The following KLHL1 variants were observed in gnomAD, a reference collection of about 807,000 sequenced individuals.
KLHL1 encodes kelch like family member 1, also known as kelch-like protein 1.
KLHL1 carries 47 observed loss-of-function variants against 77.7 expected under a neutral mutation model. The ratio of observed to expected loss-of-function variants is 0.60; its 90% CI spans 0.48 to 0.77. The LOEUF is 0.77. Ranked by LOEUF, KLHL1 falls within the 30% of genes least tolerant of loss-of-function variation. The probability of loss-of-function intolerance (pLI) is 0.00; values close to 1 mark genes in which losing one functional copy is unlikely to be tolerated. For missense variants in KLHL1, 925 were observed against 910.8 expected (o/e 1.02, Z -0.20); for synonymous variants, 360 against 325.2 (o/e 1.11, Z -1.15).
At chr13:69,800,491 T>C (rs1192437935) in intron 6 of KLHL1, among the ~76,000 whole-genome samples, 1 of 152,202 alleles carries the variant, frequency 6.6e-6, no homozygotes, top group Non-Finnish European at 1.5e-5. Flanking sequence ...TTTATGTTTG[T>C]AGAGCTTACT....
In KLHL1 at chr13:70,107,486, G is replaced by A. The variant is rs946815110; in HGVS notation, c.214C>T (p.Pro72Ser). ...RSGVSTFWKKPSSSSSSSSSP... is the reference protein window; with the variant it reads ...RSGVSTFWKKSSSSSSSSSSP... Reference sequence around the variant, plus strand: ...GACGATGAAGAGGAAGAGGAGGAAGGCTTCTTCCAGAAAGTGCTCACACCG... The same window carrying A: ...GACGATGAAGAGGAAGAGGAGGAAGACTTCTTCCAGAAAGTGCTCACACCG... The change falls in exon 1 of 11, where the codon CCT (proline) becomes TCT (serine). Residue 72 changes from proline (P) to serine (S), a missense_variant. Pro to Ser is a moderately conservative substitution (Grantham distance 74). Coordinates refer to ENST00000377844, the MANE Select transcript of KLHL1 (RefSeq NM_020866.3). The A allele has an allele frequency of 9.3e-6, 15 of 1,609,734 alleles. No homozygotes were observed. The highest frequency in any genetic ancestry group is 1.4e-5 in the African/African-American group (1 of 72,076).
In KLHL1 at chr13:70,100,738, C is replaced by T. The variant is rs1593744400; in HGVS notation, c.497+6465G>A. 2.0e-5 allele frequency among the ~76,000 whole-genome samples: 3 copies of T among 152,142 alleles called. No homozygotes were observed. In the East Asian group the frequency reaches 5.8e-4, roughly 29 times the overall value. ...ATCTTTTCTTTAAAGTTTTAAATAA[C>T]TATCTTAAATGAAGAAAAGTAAACT... On this transcript the variant is annotated intron_variant, in intron 1 of 10. Transcript: ENST00000377844.
At chr13:70,084,821 C>T (rs1182564524) in intron 1 of KLHL1, among the ~76,000 whole-genome samples, 2 of 151,490 alleles carry the variant, frequency 1.3e-5, no homozygotes, top group Non-Finnish European at 2.9e-5. Context: ...GATTAAAATT[C>T]TAAAGAATAT....
At chr13:69,710,245 C>T (rs1314295862) in intron 9 of KLHL1, among the ~76,000 whole-genome samples, 2 of 151,566 alleles carry the variant, frequency 1.3e-5, no homozygotes, top group Non-Finnish European at 2.9e-5. Flanking sequence ...CATTTTGATA[C>T]ATATTTAAAA....
chr13:69,915,659 A>T (rs981543571), intron 4 of KLHL1, among the ~76,000 whole-genome samples: 1 of 152,118 alleles, frequency 6.6e-6, no homozygotes, highest in African/African-American at 2.4e-5. Flanking sequence ...AACCTAGGCA[A>T]TACCATTCAG....
At chr13:69,954,009 T>C (rs938519379) in intron 3 of KLHL1, among the ~76,000 whole-genome samples, 2 of 151,446 alleles carry the variant, frequency 1.3e-5, no homozygotes, top group Non-Finnish European at 3.0e-5. Flanking sequence ...TTTCCCTTTT[T>C]ACATTTAAGG....
At chr13:70,101,814 G>C (rs1213371002) in intron 1 of KLHL1, among the ~76,000 whole-genome samples, 2 of 151,978 alleles carry the variant, frequency 1.3e-5, no homozygotes, top group East Asian at 3.9e-4. Flanking sequence ...TGGACTCCTG[G>C]GTAGAACACC....
intron 1 of KLHL1, among the ~76,000 whole-genome samples, chr13:70,058,171 T>C (rs1030486041): frequency 6.6e-6 from 1 of 152,130 alleles, no homozygotes; most frequent in Non-Finnish European, 1.5e-5. Flanking sequence ...TCCTCTAAGA[T>C]CTGGAACAAG....
chr13:70,045,869 CTCTA>C lies in KLHL1; in HGVS notation c.497+61330_497+61333del, dbSNP rs1886483533. Among the ~76,000 whole-genome samples the C allele has an allele frequency of 3.3e-5, 5 of 152,280 alleles. No individual in the cohort carries two copies. The South Asian group carries it at 1.0e-3, about 32-fold the overall frequency. ...TTTCCCAGATTAACAGAGCACCTTC[CTCTA>C]TCTGTTTTGTCAAAGCTTTTAATCA... On this transcript the variant is annotated intron_variant, in intron 1 of 10. Transcript: ENST00000377844.
At chr13:69,944,446 G>C (rs143721701) in intron 3 of KLHL1, among the ~76,000 whole-genome samples, 1 of 152,074 alleles carries the variant, frequency 6.6e-6, no homozygotes, top group Non-Finnish European at 1.5e-5. Context: ...TTATTTTGCC[G>C]TAACAATTCA....
intron 1 of KLHL1, among the ~76,000 whole-genome samples, chr13:70,019,357 A>C (rs887864795): frequency 9.2e-5 from 5 of 54,404 alleles, no homozygotes; most frequent in African/African-American, 3.3e-4. Flanking sequence ...AGAACTGAGT[A>C]AGCTATAAAA....
intron 1 of KLHL1, among the ~76,000 whole-genome samples, chr13:70,075,970 C>A (rs1887259623): frequency 6.6e-6 from 1 of 150,868 alleles, no homozygotes; most frequent in Non-Finnish European, 1.5e-5. Context: ...CTACAAAACT[C>A]TGAGGACAAA....
intron 1 of KLHL1, among the ~76,000 whole-genome samples, chr13:70,041,543 T>A (rs536643736): frequency 6.6e-6 from 1 of 152,266 alleles, no homozygotes; most frequent in East Asian, 1.9e-4. Flanking sequence ...TCCCTATTTT[T>A]GTTTCTACTA....
chr13:69,707,821 T>A (rs1348419905), intron 9 of KLHL1, 25 bp from the exon 10 acceptor site: 1 of 1,570,262 alleles, frequency 6.4e-7, no homozygotes, highest in Non-Finnish European at 8.7e-7. Flanking sequence ...CAATAGTACA[T>A]AACATATTCT....
intron 1 of KLHL1, among the ~76,000 whole-genome samples, chr13:70,023,396 T>G (rs982808022): frequency 6.6e-6 from 1 of 151,948 alleles, no homozygotes; most frequent in African/African-American, 2.4e-5. Context: ...AAAAATATTT[T>G]GGTATCAGTT....
intron 7 of KLHL1, among the ~76,000 whole-genome samples, chr13:69,758,198 T>A (rs1874855588): frequency 6.6e-6 from 1 of 152,076 alleles, no homozygotes; most frequent in African/African-American, 2.4e-5. Flanking sequence ...TCACTATCTC[T>A]TATTAATGAT....
chr13:70,035,515 C>A (rs1488505818), intron 1 of KLHL1, among the ~76,000 whole-genome samples: 1 of 151,418 alleles, frequency 6.6e-6, no homozygotes, highest in African/African-American at 2.4e-5. Context: ...TGAATAAGAT[C>A]TAGTATTTGA....
intron 5 of KLHL1, among the ~76,000 whole-genome samples, chr13:69,864,282 A>T (rs1880284973): frequency 1.3e-5 from 2 of 151,960 alleles, no homozygotes. Context: ...CATCTAAAAA[A>T]TACATTAAAT....
chr13:69,816,511 C>T (rs527991578), intron 6 of KLHL1, among the ~76,000 whole-genome samples: 94 of 151,912 alleles, frequency 6.2e-4, no homozygotes, highest in Non-Finnish European at 1.0e-3. Context: ...ATGATCCACC[C>T]GCCTAGGCCT....
Sources: allele counts gnomAD v4.1 joint callset (sites outside exome capture counted in the v4.1 genomes callset), GRCh38; gene constraint gnomAD v4.1.1; transcripts MANE v1.5; gene names NCBI Gene and HGNC (gene_info 2026-07-23, HGNC 2026-07-21).